Variants in ZNRF2 observed in about 807,000 individuals in gnomAD.
ZNRF2 encodes the protein zinc and ring finger 2.
Under a neutral mutation model 20.4 loss-of-function variants are expected in ZNRF2, and 16 were observed. The ratio of observed to expected loss-of-function variants is 0.79; its 90% confidence interval spans 0.53 to 1.19. ZNRF2 has a LOEUF of 1.19. ZNRF2 is among the 50% of genes most tolerant of loss of function. ZNRF2 has a pLI of 0.00. For missense variants in ZNRF2, 363 were observed against 332.4 expected (o/e 1.09, Z -0.72); for synonymous variants, 178 against 144.9 (o/e 1.23, Z -1.64).
At chr7:30,361,115 A>G (rs1195674765) in intron 3 of ZNRF2, among the ~76,000 whole-genome samples, 3 of 152,186 alleles carry the variant, frequency 2.0e-5, no homozygotes, top group African/African-American at 7.2e-5. Context: ...TCGCAAATAG[A>G]TACTATTCAG....
chr7:30,288,264 AACTGCATCTGAAAATTG>A (rs1798832740), intron 1 of ZNRF2, among the ~76,000 whole-genome samples: 1 of 152,240 alleles, frequency 6.6e-6, no homozygotes, highest in Admixed American at 6.5e-5. Flanking sequence ...ATATACAAAT[AACTGCATCTGAAAATTG>A]ATAAAAGGAT....
intron 4 of ZNRF2, among the ~76,000 whole-genome samples, chr7:30,363,288 GTGT>G (rs1336434746): frequency 6.6e-6 from 1 of 152,110 alleles, no homozygotes; most frequent in African/African-American, 2.4e-5. Context: ...CATGTGCCAG[GTGT>G]TGTTGTAAGC....
chr7:30,342,294 TGTTA>T (rs763330145), intron 2 of ZNRF2, among the ~76,000 whole-genome samples: 7 of 152,152 alleles, frequency 4.6e-5, no homozygotes, highest in African/African-American at 1.4e-4. Context: ...TTATTTTCCC[TGTTA>T]GTTGATGCAA....
intron 2 of ZNRF2, among the ~76,000 whole-genome samples, chr7:30,346,599 A>G (rs1286812533): frequency 6.6e-6 from 1 of 151,784 alleles, no homozygotes; most frequent in East Asian, 1.9e-4. Flanking sequence ...AGCTTACAAC[A>G]TAATTTCTAT....
intron 2 of ZNRF2, 143 bp from the exon 3 acceptor site, chr7:30,355,585 C>T (rs1800023922): frequency 7.0e-6 from 4 of 574,092 alleles, no homozygotes; most frequent in Middle Eastern, 3.2e-4. Context: ...TTCAAATACA[C>T]GTGCTGAGTT....
intron 1 of ZNRF2, among the ~76,000 whole-genome samples, chr7:30,322,404 T>C (rs1562612477): frequency 6.6e-6 from 1 of 152,182 alleles, no homozygotes; most frequent in Non-Finnish European, 1.5e-5. Context: ...ACACATGTGT[T>C]GGAACTAGAG....
intron 1 of ZNRF2, among the ~76,000 whole-genome samples, chr7:30,315,732 G>A (rs1390808216): frequency 1.9e-5 from 2 of 102,576 alleles, no homozygotes; most frequent in Non-Finnish European, 4.1e-5. Context: ...TGGGGCGGGG[G>A]GGGGGGGGTT....
In ZNRF2 at chr7:30,285,205, G is replaced by A. The variant is rs1379230457; in HGVS notation, c.-153G>A. 3 of 518,060 alleles carry A rather than the reference G, an allele frequency of 5.8e-6. No homozygotes were observed. The highest frequency in any genetic ancestry group is 2.5e-4 in the East Asian group (2 of 8,038). 32.1% of individuals were successfully genotyped at this position (518,060 alleles called of 1,614,324 possible). A position where few individuals can be genotyped will look rare whatever the true frequency, so the allele number is the denominator to read the frequency against. On this transcript the variant is annotated 5_prime_UTR_variant, in exon 1 of 5. Transcript: ENST00000323037. The stretch of plus-strand genomic sequence containing the variant: ...AAGAAGAGCGCGCCGGGCGCCGACT[G>A]CCCCTCTGGACGCCGGGCGGCGGCC...
intron 1 of ZNRF2, among the ~76,000 whole-genome samples, chr7:30,316,288 C>CAAA (rs60218988): frequency 0.037 from 1,020 of 27,556 alleles, 89 homozygotes; most frequent in African/African-American, 0.044. Flanking sequence ...AACTCCATCT[C>CAAA]AAAAAAAAAA....
intron 3 of ZNRF2, among the ~76,000 whole-genome samples, chr7:30,361,464 G>A (rs1307661243): frequency 2.0e-5 from 3 of 152,058 alleles, no homozygotes; most frequent in African/African-American, 4.8e-5. Context: ...GTAGCTTTGC[G>A]GCATATGCAA....
chr7:30,298,059 C>T (rs530063741), intron 1 of ZNRF2, among the ~76,000 whole-genome samples: 1 of 151,984 alleles, frequency 6.6e-6, no homozygotes, highest in East Asian at 1.9e-4. Flanking sequence ...ACTCTTTTGT[C>T]AATTTTTATT....
At chr7:30,305,808 C>G (rs560201800) in intron 1 of ZNRF2, among the ~76,000 whole-genome samples, 3 of 152,202 alleles carry the variant, frequency 2.0e-5, no homozygotes, top group African/African-American at 4.8e-5. Context: ...TCCTCTGGTA[C>G]TTTAGTAAAT....
At chr7:30,349,489 T>C (rs767629266) in intron 2 of ZNRF2, among the ~76,000 whole-genome samples, 1 of 152,108 alleles carries the variant, frequency 6.6e-6, no homozygotes, top group African/African-American at 2.4e-5. Context: ...AGAGGTATTA[T>C]TTATTTCTAC....
intron 1 of ZNRF2, among the ~76,000 whole-genome samples, chr7:30,306,369 G>T (rs976574359): frequency 2.6e-5 from 4 of 151,996 alleles, no homozygotes; most frequent in African/African-American, 2.4e-5. Flanking sequence ...GCCTTAAATG[G>T]TGGGTATGAA....
At chr7:30,296,809 T>TA (rs1799026921) in intron 1 of ZNRF2, among the ~76,000 whole-genome samples, 1 of 152,234 alleles carries the variant, frequency 6.6e-6, no homozygotes, top group South Asian at 2.1e-4. Flanking sequence ...AGTGTCTTTA[T>TA]AAATGTTGAA....
intron 1 of ZNRF2, among the ~76,000 whole-genome samples, chr7:30,323,028 A>G (rs1159333497): frequency 6.6e-6 from 1 of 152,188 alleles, no homozygotes; most frequent in Non-Finnish European, 1.5e-5. Context: ...AATTGACTGC[A>G]AAAACCTGTA....
intron 1 of ZNRF2, chr7:30,289,781 G>C (rs767456530): frequency 5.6e-6 from 3 of 534,516 alleles, no homozygotes; most frequent in Non-Finnish European, 1.2e-5. Context: ...CGTGACCTAA[G>C]AACCTGGTAT....
intron 2 of ZNRF2, among the ~76,000 whole-genome samples, chr7:30,331,325 T>C (rs955934278): frequency 3.3e-5 from 5 of 151,860 alleles, no homozygotes; most frequent in Non-Finnish European, 5.9e-5. Flanking sequence ...TATAAACAGA[T>C]GAATAGGAAA....
intron 3 of ZNRF2, among the ~76,000 whole-genome samples, chr7:30,357,054 A>G (rs565064806): frequency 6.6e-6 from 1 of 152,300 alleles, no homozygotes; most frequent in South Asian, 2.1e-4. Flanking sequence ...CAAATTTATC[A>G]TCATAATGGA....
Sources: allele counts gnomAD v4.1 joint callset (sites outside exome capture counted in the v4.1 genomes callset), GRCh38; gene constraint gnomAD v4.1.1; transcripts MANE v1.5; gene names NCBI Gene and HGNC (gene_info 2026-07-23, HGNC 2026-07-21).